The following MYO16 variants were observed in gnomAD, a reference collection of about 807,000 sequenced individuals.
MYO16 encodes unconventional myosin-XVI.
Under a neutral mutation model 205.3 loss-of-function variants are expected in MYO16, and 94 were observed. The ratio of observed to expected loss-of-function variants is 0.46; its 90% CI spans 0.39 to 0.54. MYO16 has a LOEUF of 0.54. Ranked by LOEUF, MYO16 falls within the 20% of genes least tolerant of loss-of-function variation. The probability of loss-of-function intolerance (pLI) is 0.00; values close to 1 mark genes in which losing one functional copy is unlikely to be tolerated. For synonymous variants in MYO16, 988 were observed against 954.0 expected, an observed-to-expected ratio of 1.04 and a Z score of -0.66; for missense variants, 2,315 against 2,387.5, an observed-to-expected ratio of 0.97 and a Z score of 0.63.
Position 108,677,680 on chromosome 13 carries a change from T to C in MYO16, c.292+11531T>C, listed in dbSNP as rs577009694. Among the ~76,000 whole-genome samples, 32 of 152,210 alleles carry C rather than the reference T, an allele frequency of 2.1e-4. No individual in the cohort carries two copies. The South Asian group carries it at 6.2e-3, about 30-fold the overall frequency. ...TGTGTCAATTTCTCGCGCCATACAA[T>C]GTTATTTCTTAGAGCTGCTCCCTTC... On this transcript the variant is annotated intron_variant, in intron 2 of 34. Coordinates refer to ENST00000457511, the MANE Select transcript of MYO16 (RefSeq NM_001198950.3).
chr13:108,534,610 C>T, the MYO16 span, among the ~76,000 whole-genome samples: 2 of 151,772 alleles, frequency 1.3e-5, no homozygotes, highest in African/African-American at 4.8e-5. Flanking sequence ...TCTCTACTCA[C>T]TCTGCTTCTA....
intron 11 of MYO16, among the ~76,000 whole-genome samples, chr13:108,857,663 G>A (rs951162609): frequency 6.6e-6 from 1 of 152,164 alleles, no homozygotes; most frequent in Non-Finnish European, 1.5e-5. Flanking sequence ...TTATCTCAGT[G>A]CTTTAAGATG....
At chr13:109,204,474 C>T (rs1296830362) in intron 34 of MYO16, among the ~76,000 whole-genome samples, 1 of 152,116 alleles carries the variant, frequency 6.6e-6, no homozygotes, top group African/African-American at 2.4e-5. Flanking sequence ...GACGGAGGAG[C>T]TGGCACACAC....
intron 4 of MYO16, among the ~76,000 whole-genome samples, chr13:108,744,825 G>A (rs144850121): frequency 6.6e-6 from 1 of 152,172 alleles, no homozygotes; most frequent in Non-Finnish European, 1.5e-5. Context: ...TATGCTGTTA[G>A]TGGCCTTTGA....
chr13:108,857,106 T>C (rs1313155552), intron 11 of MYO16, among the ~76,000 whole-genome samples: 1 of 152,180 alleles, frequency 6.6e-6, no homozygotes, highest in Non-Finnish European at 1.5e-5. Flanking sequence ...TTTTGTTTGT[T>C]TGTTTCTCCT....
In MYO16 at chr13:109,164,960, T is replaced by A; in HGVS notation, c.5224T>A (p.Ser1742Thr). The A allele has an allele frequency of 1.2e-6, 2 of 1,609,432 alleles. No individual in the cohort carries two copies. The highest frequency in any genetic ancestry group is 1.7e-6 in the Non-Finnish European group (2 of 1,177,238). ...RDDPSTSEIT[S>T]ETQDRNANNH... ...TGACCCTAGTACGTCAGAAATTACT[T>A]CCGAGACTCAAGACAGAAATGCAAA... The change falls in exon 33 of 35, where the codon TCC becomes ACC. Residue 1742 changes from serine (S) to threonine (T), a missense_variant. Coordinates refer to ENST00000457511, the MANE Select transcript of MYO16 (RefSeq NM_001198950.3).
At chr13:108,940,357 C>T (rs1440719347) in intron 16 of MYO16, among the ~76,000 whole-genome samples, 1 of 152,116 alleles carries the variant, frequency 6.6e-6, no homozygotes, top group Non-Finnish European at 1.5e-5. Flanking sequence ...TGGGCCACTT[C>T]CCTGTCACGC....
At chr13:108,804,474 G>A (rs904654969) in intron 6 of MYO16, among the ~76,000 whole-genome samples, 7 of 152,140 alleles carry the variant, frequency 4.6e-5, no homozygotes, top group African/African-American at 1.7e-4. Flanking sequence ...AGTAGTAGGA[G>A]TATAAATTCC....
chr13:109,039,335 C>A (rs1320349156), intron 23 of MYO16, among the ~76,000 whole-genome samples: 1 of 152,164 alleles, frequency 6.6e-6, no homozygotes, highest in African/African-American at 2.4e-5. Context: ...TGAACAACAC[C>A]ATCACCAATA....
At chr13:108,687,046 C>T (rs1244506249) in intron 2 of MYO16, among the ~76,000 whole-genome samples, 1 of 152,080 alleles carries the variant, frequency 6.6e-6, no homozygotes, top group Non-Finnish European at 1.5e-5. Context: ...GGTTTGGCTG[C>T]CTATTCTAAA....
At chr13:108,970,396 C>T (rs1314012838) in intron 20 of MYO16, among the ~76,000 whole-genome samples, 4 of 152,132 alleles carry the variant, frequency 2.6e-5, no homozygotes, top group Admixed American at 2.6e-4. Flanking sequence ...TTAATCAGGT[C>T]CCGAGACTTT....
Position 108,939,837 on chromosome 13 carries a change from G to A in MYO16, c.1926-17851G>A, listed in dbSNP as rs1344726844. On this transcript the variant is annotated intron_variant, in intron 16 of 34. Transcript: ENST00000457511. ...CTATAGTGTTGTCATACTATCATACGTGATGCGTCATATATATAATATGTA... is the reference window on the plus strand; with the variant it reads ...CTATAGTGTTGTCATACTATCATACATGATGCGTCATATATATAATATGTA... Among the ~76,000 whole-genome samples, 4 of 151,970 alleles carry A rather than the reference G, an allele frequency of 2.6e-5. No individual in the cohort carries two copies. In the East Asian group the frequency reaches 5.8e-4, roughly 22 times the overall value.
At chr13:108,882,183 TCTC>T (rs2139165147) in intron 12 of MYO16, among the ~76,000 whole-genome samples, 2 of 152,320 alleles carry the variant, frequency 1.3e-5, no homozygotes, top group South Asian at 4.1e-4. Flanking sequence ...ACAAAGGTAT[TCTC>T]CTGTGTAACC....
chr13:108,608,561 TAATA>T (rs1489630074), intron 1 of MYO16, among the ~76,000 whole-genome samples: 7 of 152,162 alleles, frequency 4.6e-5, no homozygotes, highest in African/African-American at 1.7e-4. Flanking sequence ...ATGTTAAACA[TAATA>T]AATACACACA....
At chr13:109,156,648 T>A (rs975574336) in intron 32 of MYO16, among the ~76,000 whole-genome samples, 1 of 152,170 alleles carries the variant, frequency 6.6e-6, no homozygotes, top group Non-Finnish European at 1.5e-5. Context: ...GGGGAAACAT[T>A]CCATGGCTCC....
At chr13:108,946,119 A>G (rs536272221) in intron 16 of MYO16, among the ~76,000 whole-genome samples, 8 of 152,260 alleles carry the variant, frequency 5.3e-5, no homozygotes, top group African/African-American at 1.9e-4. Context: ...TCTGTTTGTC[A>G]GTATTTTATT....
At chr13:109,124,898 C>G (rs1305203827) in intron 29 of MYO16, among the ~76,000 whole-genome samples, 1 of 152,106 alleles carries the variant, frequency 6.6e-6, no homozygotes, top group African/African-American at 2.4e-5. Flanking sequence ...AATGTGGAGG[C>G]CTTTATCATC....
chr13:108,804,684 A>G (rs921872635), intron 6 of MYO16, among the ~76,000 whole-genome samples: 9 of 152,136 alleles, frequency 5.9e-5, no homozygotes, highest in African/African-American at 2.2e-4. Flanking sequence ...AAAGTTGGTT[A>G]TCTCATGTGA....
intron 27 of MYO16, among the ~76,000 whole-genome samples, chr13:109,069,573 G>A (rs539023131): frequency 3.1e-5 from 2 of 64,454 alleles, no homozygotes; most frequent in East Asian, 9.8e-4. Flanking sequence ...GTGTGTGCTT[G>A]CCCCTCAGTT....
Sources: allele counts gnomAD v4.1 joint callset (sites outside exome capture counted in the v4.1 genomes callset), GRCh38; gene constraint gnomAD v4.1.1; transcripts MANE v1.5; gene names NCBI Gene and HGNC (gene_info 2026-07-23, HGNC 2026-07-21).